Variants in ROBO2 observed in about 807,000 individuals in gnomAD.
The protein encoded by ROBO2 is roundabout guidance receptor 2.
In ROBO2, 53 loss-of-function variants were observed where a neutral mutation model predicts 160.8. The observed-to-expected ratio is 0.33, with a 90% CI of 0.26 to 0.41. The LOEUF (loss-of-function observed/expected upper bound fraction) is 0.41. ROBO2 is among the 10% of genes least tolerant of loss of function. ROBO2 has a pLI of 1.00. For synonymous variants in ROBO2, 664 were observed against 611.7 expected (o/e 1.09, Z -1.26); for missense variants, 1,577 against 1,722.4 (o/e 0.92, Z 1.49).
chr3:77,515,756 A>G (rs2089948250), intron 5 of ROBO2, among the ~76,000 whole-genome samples: 1 of 151,696 alleles, frequency 6.6e-6, no homozygotes, highest in Non-Finnish European at 1.5e-5. Flanking sequence ...TCTTTGTAAT[A>G]TAGTTGATGA....
intron 2 of ROBO2, among the ~76,000 whole-genome samples, chr3:76,115,685 C>T (rs1249075772): frequency 1.3e-5 from 2 of 149,350 alleles, no homozygotes; most frequent in African/African-American, 5.1e-5. Context: ...ATTAAATAAA[C>T]AAACATCAAT....
chr3:76,561,127 T>C (rs992033131), intron 2 of ROBO2, among the ~76,000 whole-genome samples: 3 of 151,662 alleles, frequency 2.0e-5, no homozygotes, highest in Admixed American at 6.6e-5. Flanking sequence ...TATATACATA[T>C]GATGTCCACA....
chr3:76,749,671 G>T (rs1180356101), intron 2 of ROBO2, among the ~76,000 whole-genome samples: 1 of 152,068 alleles, frequency 6.6e-6, no homozygotes, highest in Non-Finnish European at 1.5e-5. Flanking sequence ...AGTATCAATG[G>T]CAGGGCATAG....
At chr3:76,734,704 A>G (rs1296656452) in intron 2 of ROBO2, among the ~76,000 whole-genome samples, 2 of 152,190 alleles carry the variant, frequency 1.3e-5, no homozygotes, top group Admixed American at 6.5e-5. Flanking sequence ...AGACTCTTCA[A>G]TAACTAAAAT....
chr3:76,503,953 C>T (rs1053392493), intron 2 of ROBO2, among the ~76,000 whole-genome samples: 4 of 152,176 alleles, frequency 2.6e-5, no homozygotes, highest in African/African-American at 4.8e-5. Context: ...TCAAATGTGT[C>T]ATGAAAATCA....
intron 2 of ROBO2, among the ~76,000 whole-genome samples, chr3:76,413,086 G>A (rs1344836688): frequency 3.3e-5 from 5 of 152,208 alleles, no homozygotes; most frequent in African/African-American, 7.2e-5. Context: ...ACCCTCTGGA[G>A]CCACAGCCCA....
chr3:77,386,603 ATTTTT>A (rs71104679), intron 2 of ROBO2, among the ~76,000 whole-genome samples: 2 of 91,894 alleles, frequency 2.2e-5, no homozygotes, highest in Non-Finnish European at 4.2e-5. Flanking sequence ...CAGCCAGGTA[ATTTTT>A]TTTTTTTTTT....
At position 76,341,184 on chromosome 3, in the gene ROBO2, A is replaced by G. The variant is rs377268462; in HGVS notation, c.109+403582A>G. ...CTACCATAACAATATTAGACTAACTACTGTAAGGAAAAAAAGAATAAACAC... is the reference window on the plus strand; with the variant it reads ...CTACCATAACAATATTAGACTAACTGCTGTAAGGAAAAAAAGAATAAACAC... On this transcript the variant is annotated intron_variant, in intron 2 of 26. Coordinates refer to the ROBO2 transcript ENST00000487694. Among the ~76,000 whole-genome samples, 489 of 151,872 alleles carry G rather than the reference A, an allele frequency of 3.2e-3. 7 individuals carry two copies. Among genetic ancestry groups the G allele is most frequent in the South Asian group, 0.031 (150 of 4,824 alleles).
intron 2 of ROBO2, among the ~76,000 whole-genome samples, chr3:77,099,943 T>C (rs1410365138): frequency 3.9e-5 from 6 of 152,162 alleles, no homozygotes; most frequent in Admixed American, 2.0e-4. Context: ...ATTTTAAATA[T>C]ATAAAAATTA....
chr3:77,322,712 C>T (rs2064848955), intron 2 of ROBO2, among the ~76,000 whole-genome samples: 2 of 143,308 alleles, frequency 1.4e-5, no homozygotes, highest in African/African-American at 5.2e-5. Flanking sequence ...TATTATGAAA[C>T]AAGAACATAG....
chr3:76,240,880 A>G (rs1385617478), intron 2 of ROBO2, among the ~76,000 whole-genome samples: 2 of 152,236 alleles, frequency 1.3e-5, no homozygotes, highest in African/African-American at 4.8e-5. Flanking sequence ...CTAAAATGTC[A>G]GAACTTAGTA....
intron 2 of ROBO2, among the ~76,000 whole-genome samples, chr3:76,921,805 A>G (rs1470897833): frequency 6.6e-6 from 1 of 152,162 alleles, no homozygotes; most frequent in Non-Finnish European, 1.5e-5. Flanking sequence ...TAGTTCTAAA[A>G]TATGAGGGTT....
chr3:76,259,107 A>G (rs1034903451), intron 2 of ROBO2, among the ~76,000 whole-genome samples: 12 of 152,182 alleles, frequency 7.9e-5, no homozygotes, highest in African/African-American at 2.9e-4. Context: ...ACCTAATCTC[A>G]CTATGCTTTG....
chr3:76,870,405 A>C (rs575108434), intron 2 of ROBO2, among the ~76,000 whole-genome samples: 5 of 152,286 alleles, frequency 3.3e-5, no homozygotes, highest in Admixed American at 2.6e-4. Flanking sequence ...CTACTTTTAT[A>C]AGTTTCCCCA....
At chr3:77,085,588 A>G (rs1157872398) in intron 1 of ROBO2, among the ~76,000 whole-genome samples, 3 of 152,070 alleles carry the variant, frequency 2.0e-5, no homozygotes, top group Non-Finnish European at 4.4e-5. Context: ...CCCGAGTTGT[A>G]TTTGGATACC....
chr3:76,434,815 A>T, intron 2 of ROBO2: 1 of 1,508,548 alleles, frequency 6.6e-7, no homozygotes, highest in Non-Finnish European at 9.2e-7. Context: ...CATGCCCTGA[A>T]TCATGTATCT....
chr3:75,918,018 G>A (rs1307533733), intron 1 of ROBO2, among the ~76,000 whole-genome samples: 1 of 152,102 alleles, frequency 6.6e-6, no homozygotes, highest in Non-Finnish European at 1.5e-5. Context: ...ATTTTACTGA[G>A]CAGAAGCTCT....
chr3:77,446,645 T>C (rs1414460160), intron 2 of ROBO2, among the ~76,000 whole-genome samples: 1 of 152,116 alleles, frequency 6.6e-6, no homozygotes, highest in Non-Finnish European at 1.5e-5. Flanking sequence ...ATATGGTTTC[T>C]ACTACAATGA....
At chr3:76,797,056 CA>C (rs1354297108) in intron 2 of ROBO2, among the ~76,000 whole-genome samples, 1 of 151,918 alleles carries the variant, frequency 6.6e-6, no homozygotes, top group Non-Finnish European at 1.5e-5. Context: ...ACAAATTCAA[CA>C]AAAAAACATT....
Sources: gnomAD v4.1 joint callset for allele counts (sites outside exome capture counted in the v4.1 genomes callset) on GRCh38, gnomAD v4.1.1 for gene constraint, MANE v1.5 for transcripts, NCBI Gene and HGNC (gene_info 2026-07-23, HGNC 2026-07-21) for gene names.